The following UTP18 variants were observed in gnomAD, a reference collection of about 807,000 sequenced individuals.
UTP18 encodes the protein UTP18 small subunit processome component.
A neutral mutation model predicts 61.1 loss-of-function variants in UTP18; 36 were observed. That is an observed-to-expected ratio of 0.59 (90% CI 0.45 to 0.78). The LOEUF is 0.78. Ranked by LOEUF, UTP18 falls within the 30% of genes least tolerant of loss-of-function variation. The probability of loss-of-function intolerance (pLI) is 0.00; values close to 1 mark genes in which losing one functional copy is unlikely to be tolerated. For synonymous variants in UTP18, 282 were observed against 251.1 expected (o/e 1.12, Z -1.16); for missense variants, 753 against 693.9 (o/e 1.09, Z -0.96).
intron 7 of UTP18, 88 bp from the exon 8 acceptor site, chr17:51,279,917 A>G: frequency 9.0e-7 from 1 of 1,115,430 alleles, no homozygotes; most frequent in Non-Finnish European, 1.3e-6. Context: ...TACGTATTTT[A>G]AAAAGTAAGA....
chr17:51,288,851 C>T (rs536427175), intron 11 of UTP18, among the ~76,000 whole-genome samples: 5 of 152,144 alleles, frequency 3.3e-5, no homozygotes, highest in Non-Finnish European at 7.4e-5. Flanking sequence ...TCTAAGAGTC[C>T]TCTTCTAGTA....
chr17:51,275,751 C>T, intron 5 of UTP18, 115 bp from the exon 6 acceptor site: 1 of 999,648 alleles, frequency 1.0e-6, no homozygotes, highest in Non-Finnish European at 1.3e-6. Flanking sequence ...GTTTGGTTAC[C>T]ATTCCAGTGC....
At position 51,275,882 on chromosome 17, in the gene UTP18, A is replaced by T; in HGVS notation, c.728A>T (p.His243Leu). 1 of 1,603,714 alleles carries T rather than the reference A, an allele frequency of 6.2e-7. No individual in the cohort carries two copies. ...RGILKMKNCQ[H>L]ANAERPTVAR... ...TTCCTATAGATGAAGAACTGCCAGCATGCGAATGCTGAACGTCCTACTGTT... is the reference window on the plus strand; with the variant it reads ...TTCCTATAGATGAAGAACTGCCAGCTTGCGAATGCTGAACGTCCTACTGTT... The change falls in exon 6 of 14, where the codon CAT (histidine) becomes CTT (leucine). Residue 243 changes from histidine (H) to leucine (L), a missense_variant. Transcript: ENST00000225298.
At chr17:51,270,505 C>T (rs1380652991) in intron 4 of UTP18, among the ~76,000 whole-genome samples, 1 of 152,214 alleles carries the variant, frequency 6.6e-6, no homozygotes, top group Non-Finnish European at 1.5e-5. Context: ...GAAACAAAAT[C>T]CCACAGATCC....
intron 11 of UTP18, among the ~76,000 whole-genome samples, chr17:51,291,738 CAA>C (rs373296052): frequency 2.5e-4 from 24 of 96,954 alleles, no homozygotes; most frequent in Admixed American, 2.4e-4. Flanking sequence ...GACTTGATCT[CAA>C]AAAAAAAAAA....
At chr17:51,286,383 A>G (rs973260001) in intron 10 of UTP18, 31 of 431,854 alleles carry the variant, frequency 7.2e-5, no homozygotes, top group African/African-American at 5.7e-4. Context: ...TGAGCCATGA[A>G]ATGATTTCAG....
Position 51,277,189 on chromosome 17 carries a change from T to C in UTP18, c.897T>C (p.Phe299=), listed in dbSNP as rs746727652. ...QSIYLERFPI[F]KACFSANGEE... The stretch of plus-strand genomic sequence containing the variant: ...TCTATTTGGAAAGGTTTCCAATCTT[T>C]AAGGCTTGTTTTAGTGCTAATGGGG... The change falls in exon 7 of 14, where the codon TTT becomes TTC. Residue 299 remains phenylalanine (F), a synonymous_variant. Coordinates refer to ENST00000225298, the MANE Select transcript of UTP18 (RefSeq NM_016001.3). 3.1e-6 allele frequency: 5 copies of C among 1,614,062 alleles called. No individual in the cohort carries two copies. In the East Asian group the frequency reaches 8.9e-5, roughly 29 times the overall value.
intron 11 of UTP18, among the ~76,000 whole-genome samples, chr17:51,291,700 A>G (rs1597854716): frequency 6.6e-6 from 1 of 151,668 alleles, no homozygotes; most frequent in East Asian, 1.9e-4. Context: ...GCACCACTGT[A>G]CTCCAGCCTG....
chr17:51,262,962 TCTC>T (rs2055522369), intron 1 of UTP18, among the ~76,000 whole-genome samples: 1 of 152,242 alleles, frequency 6.6e-6, no homozygotes, highest in Admixed American at 6.5e-5. Flanking sequence ...TTCTGACATT[TCTC>T]CTCCTTTTTT....
chr17:51,290,025 AAGG>A (rs1477892329), intron 11 of UTP18, among the ~76,000 whole-genome samples: 1 of 152,200 alleles, frequency 6.6e-6, no homozygotes, highest in Non-Finnish European at 1.5e-5. Flanking sequence ...CATGTAGGGC[AAGG>A]AGGAGGCTAA....
At chr17:51,264,249 G>C (rs918168024) in intron 2 of UTP18, among the ~76,000 whole-genome samples, 1 of 151,894 alleles carries the variant, frequency 6.6e-6, no homozygotes, top group African/African-American at 2.4e-5. Flanking sequence ...GTTTTGCTAC[G>C]TTGGCCAGGC....
Position 51,285,339 on chromosome 17 carries a change from A to G in UTP18, c.1299A>G (p.Thr433=), listed in dbSNP as rs778943576. The G allele has an allele frequency of 6.2e-7, 1 of 1,613,870 alleles. No individual in the cohort carries two copies. Among genetic ancestry groups the G allele is most frequent in the African/African-American group, 1.3e-5 (1 of 74,948 alleles). Residue 433 remains threonine (T), a synonymous_variant, in exon 10 of 14, where the codon ACA becomes ACG. Coordinates refer to ENST00000225298, the MANE Select transcript of UTP18 (RefSeq NM_016001.3). ...EGSLYGLSIA[T]SRNGQYVACG... ...GTTTATATGGATTAAGCATTGCCAC[A>G]TCTAGGAATGGACAGTATGTTGCTT... is the stretch of plus-strand genomic sequence containing the variant.
chr17:51,264,765 C>G (rs1208042612), intron 2 of UTP18, among the ~76,000 whole-genome samples: 1 of 151,568 alleles, frequency 6.6e-6, no homozygotes, highest in Non-Finnish European at 1.5e-5. Flanking sequence ...TCACTGCAAC[C>G]TCCGCCTCCC....
intron 5 of UTP18, among the ~76,000 whole-genome samples, chr17:51,274,042 C>CT (rs1287539128): frequency 1.3e-5 from 2 of 152,202 alleles, no homozygotes; most frequent in Non-Finnish European, 2.9e-5. Flanking sequence ...TACAGTCTGG[C>CT]TTTTGCCTGG....
chr17:51,285,399 TC>T, intron 10 of UTP18, 31 bp downstream of exon 10: 2 of 1,607,408 alleles, frequency 1.2e-6, no homozygotes, highest in African/African-American at 1.3e-5. Context: ...GTAACCTTAA[TC>T]ACATTGTGCT....
chr17:51,273,147 A>G (rs1039649165), intron 4 of UTP18, among the ~76,000 whole-genome samples: 1 of 151,510 alleles, frequency 6.6e-6, no homozygotes, highest in African/African-American at 2.4e-5. Flanking sequence ...TTAACTATGG[A>G]TGTTAAGCTT....
chr17:51,297,520 T>C (rs1279842565), intron 13 of UTP18, among the ~76,000 whole-genome samples: 2 of 152,190 alleles, frequency 1.3e-5, no homozygotes, highest in African/African-American at 4.8e-5. Flanking sequence ...GGTTCTGAGA[T>C]TGAGCTTTGC....
Position 51,260,915 on chromosome 17 carries a change from C to T in UTP18, c.331C>T (p.Arg111Ter), listed in dbSNP as rs770591171. 4 of 1,582,700 alleles carry T rather than the reference C, an allele frequency of 2.5e-6. No individual in the cohort carries two copies. The highest frequency in any genetic ancestry group is 1.8e-5 in the Admixed American group (1 of 56,316). The change falls in exon 1 of 14, where the codon CGA becomes TGA. Residue 111 changes from arginine (R) to a stop codon, truncating the protein, a stop_gained. Coordinates refer to ENST00000225298, the MANE Select transcript of UTP18 (RefSeq NM_016001.3). LOFTEE classifies it high-confidence loss of function. ...NDEDALLRRL[R>*]GPRVQEHEDS... The stretch of plus-strand genomic sequence containing the variant: ...CGAGGACGCGTTGCTGCGGCGTCTG[C>T]GAGGCCCGAGGGTGAGGGAGGCCGC...
rs58681434 is a variant in UTP18 at position 51,269,294 on chromosome 17, C to CAAAA, written c.622+419_622+422dup. Reference sequence around the variant, plus strand: ...TGGGTGACAGAGTGAGACTCTGTCTCAAAAAAAAAAAAAAAAAAAAAAAAA... The same window carrying CAAAA: ...TGGGTGACAGAGTGAGACTCTGTCTCAAAAAAAAAAAAAAAAAAAAAAAAAAAAA... On this transcript the variant is annotated intron_variant, in intron 4 of 13. Coordinates refer to ENST00000225298, the MANE Select transcript of UTP18 (RefSeq NM_016001.3). Among the ~76,000 whole-genome samples the CAAAA allele has an allele frequency of 2.4e-3, 157 of 66,660 alleles. 1 individual carries two copies. The highest frequency in any genetic ancestry group is 5.3e-3 in the East Asian group (10 of 1,902). 43.7% of individuals were successfully genotyped at this position (66,660 alleles called of 152,430 possible). A position where few individuals can be genotyped will look rare whatever the true frequency, so the allele number is the denominator to read the frequency against.
Sources: gnomAD v4.1 joint callset for allele counts (sites outside exome capture counted in the v4.1 genomes callset) on GRCh38, gnomAD v4.1.1 for gene constraint, MANE v1.5 for transcripts, NCBI Gene and HGNC (gene_info 2026-07-23, HGNC 2026-07-21) for gene names.